ZZEF1: variants seen among roughly 807,000 people sequenced by gnomAD.
ZZEF1 encodes zinc finger ZZ-type and EF-hand domain containing 1.
Under a neutral mutation model 342.8 loss-of-function variants are expected in ZZEF1, and 157 were observed. That is an observed-to-expected ratio of 0.46 (90% confidence interval 0.40 to 0.52). The LOEUF (loss-of-function observed/expected upper bound fraction) is 0.52. Ranked by LOEUF, ZZEF1 falls within the 20% of genes least tolerant of loss-of-function variation. ZZEF1 has a pLI of 0.00. For missense variants in ZZEF1, 3,480 were observed against 3,725.6 expected, an observed-to-expected ratio of 0.93 and a Z score of 1.72; for synonymous variants, 1,505 against 1,429.1, an observed-to-expected ratio of 1.05 and a Z score of -1.20.
chr17:4,023,780 C>T (rs1234075700), intron 43 of ZZEF1, among the ~76,000 whole-genome samples: 2 of 152,178 alleles, frequency 1.3e-5, no homozygotes, highest in South Asian at 2.1e-4. Context: ...TGCAGTGAGC[C>T]GTGATCACAG....
intron 9 of ZZEF1, among the ~76,000 whole-genome samples, chr17:4,100,683 A>C (rs1050349117): frequency 1.3e-5 from 2 of 151,934 alleles, no homozygotes; most frequent in Non-Finnish European, 2.9e-5. Context: ...AAAATACAAG[A>C]AATTAGCCGG....
intron 30 of ZZEF1, among the ~76,000 whole-genome samples, chr17:4,062,080 C>A (rs1040862284): frequency 6.6e-6 from 1 of 152,078 alleles, no homozygotes; most frequent in Non-Finnish European, 1.5e-5. Flanking sequence ...CTCAGCCACA[C>A]TGGTTTTCGC....
At chr17:4,108,381 G>A (rs969207205) in intron 6 of ZZEF1, among the ~76,000 whole-genome samples, 1 of 152,136 alleles carries the variant, frequency 6.6e-6, no homozygotes, top group Non-Finnish European at 1.5e-5. Flanking sequence ...CAAAATAACT[G>A]ACCTGTAATT....
At position 4,134,410 on chromosome 17, in the gene ZZEF1, G is replaced by C. The variant is rs557855853; in HGVS notation, c.354+8132C>G. On this transcript the variant is annotated intron_variant, in intron 1 of 54. Transcript: ENST00000381638. ...TATATAAATACCTGATCCTGTGTTT[G>C]GCTCTGTGGATACAAAGATGAATAG... Among the ~76,000 whole-genome samples, 42 of 149,226 alleles carry C rather than the reference G, an allele frequency of 2.8e-4. No homozygotes were observed. In the South Asian group the frequency reaches 7.4e-3, roughly 26 times the overall value.
At chr17:4,119,589 G>A (rs866864960) in intron 2 of ZZEF1, among the ~76,000 whole-genome samples, 1 of 152,194 alleles carries the variant, frequency 6.6e-6, no homozygotes, top group Admixed American at 6.5e-5. Context: ...TGCTGAGACT[G>A]AGCATGCACC....
intron 42 of ZZEF1, among the ~76,000 whole-genome samples, chr17:4,027,733 G>A (rs1162885983): frequency 6.6e-6 from 1 of 151,646 alleles, no homozygotes; most frequent in Non-Finnish European, 1.5e-5. Flanking sequence ...CACAGCAGCT[G>A]GGATTACAGG....
At chr17:4,021,085 C>T in intron 45 of ZZEF1, 44 bp downstream of exon 45, 1 of 1,536,498 alleles carries the variant, frequency 6.5e-7, no homozygotes, top group Non-Finnish European at 8.8e-7. Context: ...AGAAGCCATC[C>T]CTCAGAAGCC....
Position 4,010,686 on chromosome 17 carries a change from C to T in ZZEF1, c.8580-929G>A, listed in dbSNP as rs1465121819. Among the ~76,000 whole-genome samples the T allele has an allele frequency of 2.5e-5, 3 of 121,888 alleles. No individual in the cohort carries two copies. In the Admixed American group the frequency reaches 3.4e-4, roughly 14 times the overall value. The allele number at this position is 121,888 out of a possible 152,430, so 80.0% of individuals were successfully genotyped here. On this transcript the variant is annotated intron_variant, in intron 52 of 54. Coordinates refer to ENST00000381638, the MANE Select transcript of ZZEF1 (RefSeq NM_015113.4). Reference sequence around the variant, plus strand: ...GTTGCAGTGGGCTGAGATCACATCACTGCACTTCAGCCCAAGTGACAGTGT... The same window carrying T: ...GTTGCAGTGGGCTGAGATCACATCATTGCACTTCAGCCCAAGTGACAGTGT...
chr17:4,123,785 G>C, intron 2 of ZZEF1, 122 bp downstream of exon 2: 14 of 1,088,530 alleles, frequency 1.3e-5, no homozygotes, highest in Non-Finnish European at 1.8e-5. Flanking sequence ...AATTCAGATC[G>C]GGAGCCTAAT....
intron 5 of ZZEF1, among the ~76,000 whole-genome samples, chr17:4,111,269 C>T (rs2058293377): frequency 6.6e-6 from 1 of 152,044 alleles, no homozygotes; most frequent in Non-Finnish European, 1.5e-5. Flanking sequence ...CTGCAAGGAT[C>T]CACATCAAGG....
At chr17:4,025,224 G>A in intron 42 of ZZEF1, 106 bp from the exon 43 acceptor site, 1 of 1,095,508 alleles carries the variant, frequency 9.1e-7, no homozygotes, top group Non-Finnish European at 1.3e-6. Context: ...AGGGACTGCA[G>A]AAACATAAAT....
chr17:4,051,273 C>A (rs2057040626), intron 35 of ZZEF1, among the ~76,000 whole-genome samples: 1 of 152,046 alleles, frequency 6.6e-6, no homozygotes, highest in African/African-American at 2.4e-5. Context: ...AGGTTGTCTG[C>A]AGAAATTGGA....
At chr17:4,078,260 A>G (rs911361088) in intron 18 of ZZEF1, among the ~76,000 whole-genome samples, 5 of 152,092 alleles carry the variant, frequency 3.3e-5, no homozygotes, top group Non-Finnish European at 7.4e-5. Flanking sequence ...AAGGTTTTTT[A>G]TTCCACATGA....
intron 35 of ZZEF1, 56 bp from the exon 36 acceptor site, chr17:4,051,099 C>G (rs2057036369): frequency 6.2e-7 from 1 of 1,612,952 alleles, no homozygotes; most frequent in African/African-American, 1.3e-5. Flanking sequence ...TTTGTGGCTC[C>G]AAACAGGAGC....
chr17:4,023,517 T>C (rs2056323441), intron 43 of ZZEF1, among the ~76,000 whole-genome samples: 2 of 152,070 alleles, frequency 1.3e-5, no homozygotes, highest in African/African-American at 4.8e-5. Flanking sequence ...GTGATAAACG[T>C]CATGAACTAA....
At position 4,059,201 on chromosome 17, in the gene ZZEF1, G is replaced by T; in HGVS notation, c.4973C>A (p.Ala1658Glu). Residue 1658 changes from alanine (A) to glutamate (E), a missense_variant, in exon 31 of 55, where the codon GCA becomes GAA. By Grantham distance (107) the Ala-to-Glu change is moderately radical. Around this residue, in one of 5 missense-constraint regions of ZZEF1, gnomAD observed 1,528 missense variants for 1,624.1 expected, o/e 0.94. Transcript: ENST00000381638. ...ATTTAGGCTACTAAATCCTTTAACT[G>T]CTTTGACCAAAAACAGAACAAGTTG... is the stretch of plus-strand genomic sequence containing the variant. ...YYQLVLFLVK[A>E]VKGFSSLNDR... 2 of 1,604,620 alleles carry T rather than the reference G, an allele frequency of 1.2e-6. No homozygotes were observed. Among genetic ancestry groups the T allele is most frequent in the Non-Finnish European group, 1.7e-6 (2 of 1,178,312 alleles).
intron 2 of ZZEF1, among the ~76,000 whole-genome samples, chr17:4,119,409 T>A (rs866411030): frequency 2.7e-4 from 41 of 152,236 alleles, no homozygotes; most frequent in Admixed American, 7.8e-4. Flanking sequence ...TTTTTCTAGG[T>A]AGAGCCAGCT....
chr17:4,104,191 G>A (rs111408939), intron 8 of ZZEF1, among the ~76,000 whole-genome samples: 4 of 152,266 alleles, frequency 2.6e-5, no homozygotes, highest in East Asian at 3.9e-4. Context: ...CAGCTATCAC[G>A]GGAATGCAGA....
chr17:4,132,790 C>T (rs1429995327), intron 1 of ZZEF1, among the ~76,000 whole-genome samples: 1 of 132,270 alleles, frequency 7.6e-6, no homozygotes, highest in African/African-American at 2.5e-5. Flanking sequence ...CACGATGAAA[C>T]CCCGTCTCTA....
Sources: gnomAD v4.1 joint callset for allele counts (sites outside exome capture counted in the v4.1 genomes callset) on GRCh38, gnomAD v4.1.1 for gene constraint, gnomAD v4.1.1 regional missense constraint, MANE v1.5 for transcripts, NCBI Gene and HGNC (gene_info 2026-07-23, HGNC 2026-07-21) for gene names.